MAP4K4: variants seen among roughly 807,000 people sequenced by gnomAD.
MAP4K4 encodes mitogen-activated protein kinase kinase kinase kinase 4, also known as HPK/GCK-like kinase HGK.
MAP4K4 carries 38 observed loss-of-function variants against 189.6 expected under a neutral mutation model. The ratio of observed to expected loss-of-function variants is 0.20; its 90% CI spans 0.15 to 0.26. MAP4K4 has a LOEUF of 0.26. Among genes scored for constraint, MAP4K4 ranks in the 10% least tolerant of loss-of-function variants. MAP4K4 has a pLI of 1.00. For synonymous variants in MAP4K4, 610 were observed against 624.3 expected, an observed-to-expected ratio of 0.98 and a Z score of 0.34; for missense variants, 1,054 against 1,726.9, an observed-to-expected ratio of 0.61 and a Z score of 6.91.
chr2:101,838,926 G>C (rs2096841275), intron 9 of MAP4K4, among the ~76,000 whole-genome samples: 1 of 152,158 alleles, frequency 6.6e-6, no homozygotes, highest in South Asian at 2.1e-4. Context: ...GTTGAGCATT[G>C]CCTGCAGGTT....
intron 26 of MAP4K4, among the ~76,000 whole-genome samples, chr2:101,874,701 G>T (rs2098147881): frequency 6.6e-6 from 1 of 152,188 alleles, no homozygotes; most frequent in African/African-American, 2.4e-5. Context: ...ATGCAACCCA[G>T]TGTTTTTCAT....
chr2:101,791,057 A>G (rs1016347083), intron 3 of MAP4K4, among the ~76,000 whole-genome samples: 1 of 152,196 alleles, frequency 6.6e-6, no homozygotes, highest in Non-Finnish European at 1.5e-5. Flanking sequence ...AATTGGAAAC[A>G]TCTTCTCTAA....
At chr2:101,828,280 A>T (rs1225966216) in intron 5 of MAP4K4, among the ~76,000 whole-genome samples, 1 of 152,234 alleles carries the variant, frequency 6.6e-6, no homozygotes, top group East Asian at 1.9e-4. Context: ...AGCAAAAATG[A>T]ACTGAAATAA....
chr2:101,886,222 GT>G (rs2150293808), intron 29 of MAP4K4, among the ~76,000 whole-genome samples: 1 of 152,276 alleles, frequency 6.6e-6, no homozygotes, highest in East Asian at 1.9e-4. Context: ...GTACTAGTTG[GT>G]TTTATACATA....
At chr2:101,865,030 C>T (rs2149929205) in exon 18 of MAP4K4, 1 of 1,559,594 alleles carries the variant, frequency 6.4e-7, no homozygotes, top group Non-Finnish European at 8.7e-7. Flanking sequence ...CAGAGAAACT[C>T]CACCAGGTAA....
intron 18 of MAP4K4, among the ~76,000 whole-genome samples, chr2:101,865,799 A>T (rs554371230): frequency 1.3e-5 from 2 of 152,208 alleles, no homozygotes; most frequent in African/African-American, 4.8e-5. Context: ...GTCTGACTTG[A>T]GGTGTCAGAT....
chr2:101,748,069 A>G lies in MAP4K4; in HGVS notation c.124-42651A>G, dbSNP rs575502905. 1.8e-4 allele frequency among the ~76,000 whole-genome samples: 28 copies of G among 152,312 alleles called. 1 individual carries two copies. In the South Asian group the frequency reaches 5.4e-3, roughly 29 times the overall value. On this transcript the variant is annotated intron_variant, in intron 2 of 32. Coordinates refer to ENST00000324219, the Ensembl canonical transcript of MAP4K4. ...TTGTATACATTGTAGTCTGTTTTCT[A>G]TATCCTCTTATTCAGAGGAGTAGCC...
intron 16 of MAP4K4, among the ~76,000 whole-genome samples, chr2:101,863,505 C>T (rs538907937): frequency 6.6e-6 from 1 of 152,238 alleles, no homozygotes; most frequent in South Asian, 2.1e-4. Context: ...ACATCATAAC[C>T]CCTTTGGGCT....
At position 101,703,174 on chromosome 2, in the gene MAP4K4, G is replaced by T. The variant is rs192949000; in HGVS notation, c.123+4636G>T. 3.5e-3 allele frequency among the ~76,000 whole-genome samples: 528 copies of T among 152,276 alleles called. 2 individuals carry two copies. The highest frequency in any genetic ancestry group is 0.012 in the African/African-American group (513 of 41,562). ...ATGGTTGGCCTTGGGCAGTGGTCCA[G>T]TGACAGGAGGTGAAGGCCGAGGCGG... On this transcript the variant is annotated intron_variant, in intron 2 of 32. Coordinates refer to ENST00000324219, the Ensembl canonical transcript of MAP4K4.
chr2:101,867,724 G>T, intron 20 of MAP4K4: 1 of 429,644 alleles, frequency 2.3e-6, no homozygotes, highest in Non-Finnish European at 4.1e-6. Flanking sequence ...TTACAATACT[G>T]GCTTTTAGAC....
chr2:101,772,519 A>G (rs1162251545), intron 2 of MAP4K4, among the ~76,000 whole-genome samples: 1 of 152,214 alleles, frequency 6.6e-6, no homozygotes, highest in Non-Finnish European at 1.5e-5. Flanking sequence ...TCCCTTTCCA[A>G]AGACCTAAAT....
intron 2 of MAP4K4, among the ~76,000 whole-genome samples, chr2:101,772,481 T>C (rs1018868570): frequency 6.6e-6 from 1 of 152,232 alleles, no homozygotes; most frequent in Non-Finnish European, 1.5e-5. Flanking sequence ...GTGAATTTTG[T>C]TCTTTTTAAA....
intron 32 of MAP4K4, among the ~76,000 whole-genome samples, chr2:101,890,918 A>T (rs911951880): frequency 6.6e-6 from 1 of 151,358 alleles, no homozygotes; most frequent in Non-Finnish European, 1.5e-5. Flanking sequence ...GTGCCACCAC[A>T]TGGTATTTTT....
At chr2:101,812,747 G>A (rs976607290) in intron 3 of MAP4K4, among the ~76,000 whole-genome samples, 2 of 152,142 alleles carry the variant, frequency 1.3e-5, no homozygotes, top group Admixed American at 6.5e-5. Context: ...GCTAGGGGAC[G>A]CTACTTAAGT....
chr2:101,874,203 T>TAAATAC, exon 26 of MAP4K4: 1 of 1,613,366 alleles, frequency 6.2e-7, no homozygotes, highest in Non-Finnish European at 8.5e-7. Flanking sequence ...CGGAGATTCG[T>TAAATAC]AAATACAAGA....
chr2:101,831,512 G>A (rs1311489814), intron 6 of MAP4K4, among the ~76,000 whole-genome samples: 1 of 151,916 alleles, frequency 6.6e-6, no homozygotes, highest in African/African-American at 2.4e-5. Context: ...GAAGCTTCCA[G>A]ACTGGTAGAG....
chr2:101,797,889 G>GTGATTTTTT (rs1553478618), intron 3 of MAP4K4, among the ~76,000 whole-genome samples: 1 of 52,304 alleles, frequency 1.9e-5, no homozygotes, highest in African/African-American at 7.6e-5. Flanking sequence ...CATTCTTTTA[G>GTGATTTTTT]TTTTTTTTTT....
rs186537390 is a variant in MAP4K4, at chr2:101,712,611, T to C, written c.123+14073T>C. Among the ~76,000 whole-genome samples the C allele has an allele frequency of 1.3e-3, 194 of 152,274 alleles. 1 individual carries two copies. The highest frequency in any genetic ancestry group is 4.6e-3 in the African/African-American group (190 of 41,560). ...ATCTCCCAGGTTCAAGTGATTCTTGTGCCTCAACCTCCTGAGTAGCTGGGA... is the reference window on the plus strand; with the variant it reads ...ATCTCCCAGGTTCAAGTGATTCTTGCGCCTCAACCTCCTGAGTAGCTGGGA... On this transcript the variant is annotated intron_variant, in intron 2 of 32. Coordinates refer to ENST00000324219, the Ensembl canonical transcript of MAP4K4.
chr2:101,712,111 T>C (rs1196754414), intron 2 of MAP4K4, among the ~76,000 whole-genome samples: 1 of 152,056 alleles, frequency 6.6e-6, no homozygotes, highest in Non-Finnish European at 1.5e-5. Flanking sequence ...TCAAATGATA[T>C]TATACCTTAC....
Sources: allele counts gnomAD v4.1 joint callset (sites outside exome capture counted in the v4.1 genomes callset), GRCh38; gene constraint gnomAD v4.1.1; transcripts MANE v1.5; gene names NCBI Gene and HGNC (gene_info 2026-07-23, HGNC 2026-07-21).